RAD54L2: variants seen among roughly 807,000 people sequenced by gnomAD.
RAD54L2 encodes helicase ARIP4.
In RAD54L2, 27 loss-of-function variants were observed where a neutral mutation model predicts 138.4. The observed-to-expected ratio is 0.20, with a 90% CI of 0.14 to 0.27. The LOEUF is 0.27. Among genes scored for constraint, RAD54L2 ranks in the 10% least tolerant of loss-of-function variants. The pLI is 1.00. For synonymous variants in RAD54L2, 644 were observed against 723.2 expected (o/e 0.89, Z 1.76); for missense variants, 1,396 against 1,890.2 (o/e 0.74, Z 4.85).
intron 2 of RAD54L2, among the ~76,000 whole-genome samples, chr3:51,557,674 A>G (rs185047232): frequency 2.0e-5 from 3 of 151,908 alleles, no homozygotes; most frequent in Admixed American, 6.6e-5. Context: ...TATTAAATAT[A>G]CAAAAATTAG....
intron 3 of RAD54L2, among the ~76,000 whole-genome samples, chr3:51,603,365 G>A (rs1053635439): frequency 6.6e-6 from 1 of 152,112 alleles, no homozygotes; most frequent in Admixed American, 6.6e-5. Context: ...CAGCACTTTG[G>A]GAGGCCGAGG....
intron 1 of RAD54L2, among the ~76,000 whole-genome samples, chr3:51,540,812 G>A (rs1053546698): frequency 1.2e-4 from 19 of 152,126 alleles, no homozygotes; most frequent in African/African-American, 4.6e-4. Flanking sequence ...AACACTTTGG[G>A]AGGTCGAGGC....
chr3:51,642,323 G>A (rs1405761344), intron 15 of RAD54L2, among the ~76,000 whole-genome samples: 1 of 151,558 alleles, frequency 6.6e-6, no homozygotes, highest in Admixed American at 6.6e-5. Context: ...TACTTTAAGG[G>A]GATGAACTTT....
chr3:51,649,056 A>G (rs1373514832), intron 19 of RAD54L2, among the ~76,000 whole-genome samples: 2 of 152,118 alleles, frequency 1.3e-5, no homozygotes, highest in African/African-American at 4.8e-5. Flanking sequence ...AAAACCTTGA[A>G]AAAAGATTAG....
At chr3:51,643,059 G>T (rs571569982) in intron 15 of RAD54L2, among the ~76,000 whole-genome samples, 1 of 120,954 alleles carries the variant, frequency 8.3e-6, no homozygotes, top group African/African-American at 3.3e-5. Flanking sequence ...TTTTTGAGAC[G>T]AAGTCTTACT....
intron 2 of RAD54L2, among the ~76,000 whole-genome samples, chr3:51,574,011 A>G (rs1699402723): frequency 9.3e-6 from 1 of 106,992 alleles, no homozygotes; most frequent in Non-Finnish European, 1.8e-5. Flanking sequence ...CCACCCCACA[A>G]TAGGCCCCGG....
At chr3:51,543,456 A>G (rs1174206239) in intron 2 of RAD54L2, among the ~76,000 whole-genome samples, 1 of 152,016 alleles carries the variant, frequency 6.6e-6, no homozygotes, top group Non-Finnish European at 1.5e-5. Context: ...TAAAAATACA[A>G]AATTAGCCAG....
intron 2 of RAD54L2, among the ~76,000 whole-genome samples, chr3:51,555,995 G>GT (rs1263441096): frequency 6.6e-6 from 1 of 152,122 alleles, no homozygotes; most frequent in Non-Finnish European, 1.5e-5. Context: ...GGTCTTCATT[G>GT]TTTTTTCAAT....
At chr3:51,603,004 A>G (rs1159660101) in intron 3 of RAD54L2, among the ~76,000 whole-genome samples, 1 of 152,060 alleles carries the variant, frequency 6.6e-6, no homozygotes, top group Non-Finnish European at 1.5e-5. Context: ...AATTTTTAAA[A>G]AACTTTTTGT....
chr3:51,586,862 C>G (rs1017423241), intron 2 of RAD54L2, among the ~76,000 whole-genome samples: 1 of 151,750 alleles, frequency 6.6e-6, no homozygotes, highest in Non-Finnish European at 1.5e-5. Context: ...AGCCACCATG[C>G]CTGGCCAAAA....
At chr3:51,608,826 G>A (rs896466425) in intron 3 of RAD54L2, among the ~76,000 whole-genome samples, 1 of 152,160 alleles carries the variant, frequency 6.6e-6, no homozygotes, top group Non-Finnish European at 1.5e-5. Flanking sequence ...TCCAGCCTTG[G>A]CTTGGCATCA....
chr3:51,580,936 A>G (rs1699592407), intron 2 of RAD54L2, among the ~76,000 whole-genome samples: 1 of 152,230 alleles, frequency 6.6e-6, no homozygotes, highest in Non-Finnish European at 1.5e-5. Flanking sequence ...TTGAAAATAC[A>G]AAAGTATATA....
At chr3:51,635,128 G>T (rs1477020484) in intron 9 of RAD54L2, among the ~76,000 whole-genome samples, 2 of 152,176 alleles carry the variant, frequency 1.3e-5, no homozygotes, top group Admixed American at 6.5e-5. Flanking sequence ...CTTACTGAGG[G>T]TCATCTGGTC....
intron 2 of RAD54L2, among the ~76,000 whole-genome samples, chr3:51,575,519 T>TTGTG (rs1699459704): frequency 6.6e-6 from 1 of 152,178 alleles, no homozygotes; most frequent in South Asian, 2.1e-4. Context: ...CCTCTTATAT[T>TTGTG]TCATTGAGCA....
chr3:51,651,284 G>T (rs554725057), intron 19 of RAD54L2, among the ~76,000 whole-genome samples: 1 of 152,158 alleles, frequency 6.6e-6, no homozygotes, highest in East Asian at 1.9e-4. Context: ...TGAAATTGAG[G>T]CAATAATTAA....
At chr3:51,644,477 A>G (rs1701220432) in intron 16 of RAD54L2, among the ~76,000 whole-genome samples, 1 of 152,190 alleles carries the variant, frequency 6.6e-6, no homozygotes, top group Admixed American at 6.5e-5. Flanking sequence ...GAACAACAAC[A>G]ACAAAATACC....
chr3:51,613,772 A>G (rs1272639545), intron 3 of RAD54L2, among the ~76,000 whole-genome samples: 2 of 152,150 alleles, frequency 1.3e-5, no homozygotes, highest in Admixed American at 1.3e-4. Context: ...CTCCAAAAAA[A>G]AAAAAAAAAA....
In RAD54L2 at chr3:51,637,337, G is replaced by A. The variant is rs1360386594; in HGVS notation, c.1516G>A (p.Val506Met). The A allele has an allele frequency of 6.2e-7, 1 of 1,613,710 alleles. No homozygotes were observed. The highest frequency in any genetic ancestry group is 8.5e-7 in the Non-Finnish European group (1 of 1,179,804). ...CAACCTCATTGAGTACTGGTGCATG[G>A]TGGACTTTGTGCGCCCAGACTTCCT... is the stretch of plus-strand genomic sequence containing the variant. ...QNNLIEYWCMVDFVRPDFLGT... is the reference protein window; with the variant it reads ...QNNLIEYWCMMDFVRPDFLGT... The change falls in exon 11 of 23, where the codon GTG becomes ATG. Residue 506 changes from valine (V) to methionine (M), a missense_variant. This residue lies in a region of RAD54L2 where 36 missense variants were observed against 107.2 expected (regional missense o/e 0.34). Transcript: ENST00000684192. This position sits in a 1 kb window ranked among gnomAD's most constrained non-coding sequence, Gnocchi z 5.9.
At chr3:51,566,647 T>G (rs1210777285) in intron 2 of RAD54L2, among the ~76,000 whole-genome samples, 2 of 151,886 alleles carry the variant, frequency 1.3e-5, no homozygotes, top group Admixed American at 6.6e-5. Context: ...GAGATAGTTA[T>G]GTCTGTTGAC....
Sources: allele counts gnomAD v4.1 joint callset (sites outside exome capture counted in the v4.1 genomes callset), GRCh38; gene constraint gnomAD v4.1.1; regional missense constraint gnomAD v4.1.1; non-coding constraint Gnocchi (gnomAD v3.1); transcripts MANE v1.5; gene names NCBI Gene and HGNC (gene_info 2026-07-23, HGNC 2026-07-21).